Variants in CCSER1 observed in about 807,000 individuals in gnomAD.
CCSER1 encodes serine-rich coiled-coil domain-containing protein 1.
In CCSER1, 41 loss-of-function variants were observed where a neutral mutation model predicts 82.0. That is an observed-to-expected ratio of 0.50 (90% CI 0.39 to 0.65). The LOEUF (loss-of-function observed/expected upper bound fraction) is 0.65. Among genes scored for constraint, CCSER1 ranks in the 30% least tolerant of loss-of-function variants. The pLI is 0.00. For synonymous variants in CCSER1, 414 were observed against 383.9 expected (o/e 1.08, Z -0.92); for missense variants, 1,119 against 1,064.2 (o/e 1.05, Z -0.72).
intron 4 of CCSER1, among the ~76,000 whole-genome samples, chr4:90,452,297 T>C (rs2153578907): frequency 6.6e-6 from 1 of 152,282 alleles, no homozygotes; most frequent in Admixed American, 6.5e-5. Flanking sequence ...GGGAGGAAGG[T>C]GGCTGAGTTT....
chr4:90,926,510 T>C (rs1729082079), intron 9 of CCSER1, among the ~76,000 whole-genome samples: 1 of 152,052 alleles, frequency 6.6e-6, no homozygotes, highest in African/African-American at 2.4e-5. Context: ...AAAACATTAA[T>C]TATAATAAAA....
chr4:91,008,890 T>C (rs1028273357), intron 9 of CCSER1, among the ~76,000 whole-genome samples: 2 of 152,104 alleles, frequency 1.3e-5, no homozygotes, highest in African/African-American at 2.4e-5. Context: ...TCTTGGGCCA[T>C]GTGGTGAGTG....
chr4:90,968,635 A>G (rs1734795638), intron 9 of CCSER1, among the ~76,000 whole-genome samples: 1 of 152,094 alleles, frequency 6.6e-6, no homozygotes, highest in East Asian at 1.9e-4. Context: ...ACATCCATAG[A>G]AAAGGTCTGG....
intron 6 of CCSER1, among the ~76,000 whole-genome samples, chr4:90,655,758 C>T (rs1729592097): frequency 6.6e-6 from 1 of 151,900 alleles, no homozygotes; most frequent in South Asian, 2.1e-4. Context: ...TGCATTTACT[C>T]AGAATTTAAA....
chr4:90,641,872 T>C (rs765189541), intron 6 of CCSER1: 2 of 261,176 alleles, frequency 7.7e-6, no homozygotes, highest in Non-Finnish European at 1.7e-5. Flanking sequence ...CTATTTGTGT[T>C]ATTATCATAT....
chr4:91,096,972 G>A (rs912253349), intron 10 of CCSER1, among the ~76,000 whole-genome samples: 7 of 152,144 alleles, frequency 4.6e-5, no homozygotes, highest in Non-Finnish European at 7.3e-5. Flanking sequence ...TGGGTGATCA[G>A]GCCACGCTTC....
intron 7 of CCSER1, among the ~76,000 whole-genome samples, chr4:90,800,758 A>G (rs984962927): frequency 6.6e-6 from 1 of 152,162 alleles, no homozygotes; most frequent in South Asian, 2.1e-4. Context: ...AAACTAATTT[A>G]TGTTGTGTAG....
At chr4:90,329,145 A>G (rs1738801702) in intron 3 of CCSER1, among the ~76,000 whole-genome samples, 2 of 151,866 alleles carry the variant, frequency 1.3e-5, no homozygotes, top group Middle Eastern at 3.2e-3. Flanking sequence ...CAATATGAAC[A>G]AAGTAGGAAA....
rs375765166 is a variant in CCSER1 at position 90,532,031 on chromosome 4, A to C, written c.1724+63677A>C. 3.3e-5 allele frequency among the ~76,000 whole-genome samples: 5 copies of C among 152,156 alleles called. No individual in the cohort carries two copies. In the East Asian group the frequency reaches 9.6e-4, roughly 29 times the overall value. On this transcript the variant is annotated intron_variant, in intron 5 of 10. Transcript: ENST00000509176. ...TATATATATATAATGAGAATAAAGA[A>C]AATATGTTTGTAAGATTTGTCTTAG...
At chr4:90,583,237 G>A (rs1473432177) in intron 5 of CCSER1, among the ~76,000 whole-genome samples, 2 of 152,088 alleles carry the variant, frequency 1.3e-5, no homozygotes, top group Non-Finnish European at 2.9e-5. Flanking sequence ...CACTATCTAG[G>A]CTCACTGCAA....
chr4:91,400,039 G>GGATAGTTAGCTCTTCTTGTTGAATTGAT (rs1752222642), intron 10 of CCSER1, among the ~76,000 whole-genome samples: 1 of 151,874 alleles, frequency 6.6e-6, no homozygotes, highest in East Asian at 1.9e-4. Context: ...ATTGCCTTGA[G>GGATAGTTAGCTCTTCTTGTTGAATTGAT]CAAAACACTG....
At chr4:91,582,294 C>A (rs950246372) in intron 10 of CCSER1, among the ~76,000 whole-genome samples, 30 of 151,512 alleles carry the variant, frequency 2.0e-4, no homozygotes, top group African/African-American at 5.8e-4. Flanking sequence ...ACATTCAAAT[C>A]TTGTCTGAAC....
intron 7 of CCSER1, among the ~76,000 whole-genome samples, chr4:90,728,975 G>C (rs1744219001): frequency 1.3e-5 from 2 of 152,082 alleles, no homozygotes; most frequent in Admixed American, 1.3e-4. Context: ...AAAGAGAATT[G>C]GGGGCATTAG....
rs866034754 is a variant in CCSER1, at chr4:90,627,613, A to G, written c.1725-412A>G. 5.9e-5 allele frequency among the ~76,000 whole-genome samples: 9 copies of G among 152,144 alleles called. No homozygotes were observed. In the South Asian group the frequency reaches 8.3e-4, roughly 14 times the overall value. On this transcript the variant is annotated intron_variant, in intron 5 of 10. Coordinates refer to ENST00000509176, the MANE Select transcript of CCSER1 (RefSeq NM_001145065.2). The stretch of plus-strand genomic sequence containing the variant: ...ATTATATCCTAAAACAGTAATTTTC[A>G]TTGAATCTTACCACTAAATGTATAT...
chr4:90,317,631 T>G (rs1482394373), intron 3 of CCSER1, among the ~76,000 whole-genome samples: 1 of 151,952 alleles, frequency 6.6e-6, no homozygotes, highest in East Asian at 1.9e-4. Context: ...CAAAAATAAA[T>G]AAATAAAATA....
chr4:91,285,926 T>C (rs1214221335), intron 10 of CCSER1, among the ~76,000 whole-genome samples: 1 of 151,770 alleles, frequency 6.6e-6, no homozygotes, highest in African/African-American at 2.4e-5. Context: ...TGAATACCTA[T>C]CTAGAAATTT....
intron 3 of CCSER1, among the ~76,000 whole-genome samples, chr4:90,315,760 C>T (rs1362610823): frequency 6.6e-6 from 1 of 151,978 alleles, no homozygotes; most frequent in African/African-American, 2.4e-5. Context: ...CACATCACCT[C>T]CCAAAGTGCT....
intron 10 of CCSER1, among the ~76,000 whole-genome samples, chr4:91,272,179 C>T (rs1400061586): frequency 6.6e-6 from 1 of 152,212 alleles, no homozygotes; most frequent in African/African-American, 2.4e-5. Context: ...ATTCTCCACA[C>T]TGTTTTCCAT....
intron 10 of CCSER1, among the ~76,000 whole-genome samples, chr4:91,453,755 A>G (rs1184464466): frequency 6.6e-6 from 1 of 152,100 alleles, no homozygotes; most frequent in African/African-American, 2.4e-5. Context: ...AGGTGAGTCT[A>G]TACTAGGCTT....
Sources: gnomAD v4.1 joint callset for allele counts (sites outside exome capture counted in the v4.1 genomes callset) on GRCh38, gnomAD v4.1.1 for gene constraint, MANE v1.5 for transcripts, NCBI Gene and HGNC (gene_info 2026-07-23, HGNC 2026-07-21) for gene names.